The following IMMP1L variants were observed in gnomAD, a reference collection of about 807,000 sequenced individuals.
IMMP1L encodes the protein mitochondrial inner membrane protease subunit 1.
In IMMP1L, 24 loss-of-function variants were observed where a neutral mutation model predicts 21.8. The ratio of observed to expected loss-of-function variants is 1.10; its 90% confidence interval spans 0.80 to 1.55. The LOEUF is 1.55. Among genes scored for constraint, IMMP1L ranks in the 40% most tolerant of loss-of-function variants. The pLI, the probability that IMMP1L is intolerant of heterozygous loss-of-function variation, is 0.00. For synonymous variants in IMMP1L, 46 were observed against 62.8 expected (o/e 0.73, Z 1.26); for missense variants, 195 against 200.7 (o/e 0.97, Z 0.17).
chr11:31,477,512 T>C, intron 1 of IMMP1L: 1 of 982,648 alleles, frequency 1.0e-6, no homozygotes, highest in Middle Eastern at 5.2e-4. Flanking sequence ...TGATTTTTTG[T>C]TGTTGTTGTT....
At chr11:31,471,715 G>A (rs1954558175) in intron 1 of IMMP1L, among the ~76,000 whole-genome samples, 1 of 152,114 alleles carries the variant, frequency 6.6e-6, no homozygotes, top group Non-Finnish European at 1.5e-5. Flanking sequence ...TCTTTCTTAT[G>A]AGCTGAGACT....
chr11:31,449,571 A>G (rs1371679038), intron 4 of IMMP1L, among the ~76,000 whole-genome samples: 1 of 152,188 alleles, frequency 6.6e-6, no homozygotes, highest in East Asian at 1.9e-4. Flanking sequence ...ACATCCTGAT[A>G]ACACTTAATC....
chr11:31,472,801 T>G lies in IMMP1L; in HGVS notation c.-29-9496A>C, dbSNP rs1045921709. ...AAGAGCCTCTTCATTACTTTACATA[T>G]ATTAACTCATTTAATCCTTAAAACA... On this transcript the variant is annotated intron_variant, in intron 1 of 5. Transcript: ENST00000532287. Among the ~76,000 whole-genome samples the G allele has an allele frequency of 6.6e-5, 10 of 152,310 alleles. No homozygotes were observed. The South Asian group carries it at 2.1e-3, about 32-fold the overall frequency.
At chr11:31,434,508 G>T (rs1464158498) in intron 4 of IMMP1L, among the ~76,000 whole-genome samples, 1 of 152,042 alleles carries the variant, frequency 6.6e-6, no homozygotes, top group African/African-American at 2.4e-5. Flanking sequence ...TATGGGGAAG[G>T]AATTTATTTT....
At chr11:31,452,291 CT>C (rs1299159938) in intron 4 of IMMP1L, 2 of 983,488 alleles carry the variant, frequency 2.0e-6, no homozygotes, top group Non-Finnish European at 2.4e-6. Context: ...AAGCATAGTC[CT>C]GGATTATCAC....
intron 1 of IMMP1L, among the ~76,000 whole-genome samples, chr11:31,491,049 C>T (rs963715739): frequency 4.6e-5 from 7 of 152,152 alleles, no homozygotes; most frequent in Non-Finnish European, 8.8e-5. Flanking sequence ...AACTTGACTT[C>T]GTATTTTTGA....
At chr11:31,490,703 G>C (rs1955226250) in intron 1 of IMMP1L, among the ~76,000 whole-genome samples, 1 of 152,052 alleles carries the variant, frequency 6.6e-6, no homozygotes, top group South Asian at 2.1e-4. Context: ...AGACTATAGT[G>C]AGTTGAGAAA....
In IMMP1L at chr11:31,467,462, T is replaced by C. The variant is rs572819811; in HGVS notation, c.-29-4157A>G. ...GGAACCATTCTGAGGGGTCATCCAA[T>C]GGCCAAATGTGGGACAATATAAGCC... On this transcript the variant is annotated intron_variant, in intron 1 of 5. Coordinates refer to ENST00000532287, the MANE Select transcript of IMMP1L (RefSeq NM_001304274.2). Among the ~76,000 whole-genome samples, 213 of 152,234 alleles carry C rather than the reference T, an allele frequency of 1.4e-3. 1 individual carries two copies. The highest frequency in any genetic ancestry group is 1.9e-3 in the Non-Finnish European group (128 of 67,990).
At chr11:31,459,580 C>T (rs182983798) in intron 3 of IMMP1L, among the ~76,000 whole-genome samples, 7 of 152,142 alleles carry the variant, frequency 4.6e-5, no homozygotes, top group Non-Finnish European at 8.8e-5. Context: ...GGATTGGAAC[C>T]ACCACTTGAA....
intron 4 of IMMP1L, among the ~76,000 whole-genome samples, chr11:31,450,407 ATCTTAAC>A (rs199638628): frequency 7.9e-6 from 1 of 126,482 alleles, no homozygotes; most frequent in Non-Finnish European, 1.6e-5. Context: ...AGGAGACTTA[ATCTTAAC>A]TAAGTTCAGT....
intron 1 of IMMP1L, chr11:31,469,698 G>A (rs2133699632): frequency 6.6e-6 from 1 of 152,318 alleles, no homozygotes; most frequent in South Asian, 2.1e-4. Context: ...TTTCCAAATT[G>A]ATGAAAGACC....
At chr11:31,458,680 T>C (rs556805584) in intron 3 of IMMP1L, among the ~76,000 whole-genome samples, 5 of 152,188 alleles carry the variant, frequency 3.3e-5, no homozygotes, top group Non-Finnish European at 4.4e-5. Flanking sequence ...AGGACAGTAA[T>C]ATTTCTTAAG....
intron 1 of IMMP1L, among the ~76,000 whole-genome samples, chr11:31,501,708 C>A (rs1440117811): frequency 6.6e-6 from 1 of 151,976 alleles, no homozygotes; most frequent in Admixed American, 6.6e-5. Flanking sequence ...AATCCCAGCA[C>A]TTTGGGAGGC....
intron 1 of IMMP1L, chr11:31,473,679 A>G: frequency 2.4e-6 from 2 of 849,604 alleles, no homozygotes; most frequent in Non-Finnish European, 2.8e-6. Flanking sequence ...ATAGGCATCC[A>G]ATTCTAAGAT....
chr11:31,483,840 C>T (rs1278391201), intron 1 of IMMP1L, among the ~76,000 whole-genome samples: 12 of 151,852 alleles, frequency 7.9e-5, no homozygotes, highest in Admixed American at 7.9e-4. Flanking sequence ...CAATACCATA[C>T]ACATTAAATA....
At chr11:31,450,292 T>C (rs1953701625) in intron 4 of IMMP1L, among the ~76,000 whole-genome samples, 1 of 152,208 alleles carries the variant, frequency 6.6e-6, no homozygotes. Flanking sequence ...AAGGGCAACT[T>C]AGCCTTCATC....
intron 1 of IMMP1L, among the ~76,000 whole-genome samples, chr11:31,503,048 A>G (rs1955671336): frequency 6.6e-6 from 1 of 152,164 alleles, no homozygotes; most frequent in African/African-American, 2.4e-5. Context: ...TTTATACTTT[A>G]AAATCCACTA....
chr11:31,473,449 A>T (rs1039667444), intron 1 of IMMP1L, among the ~76,000 whole-genome samples: 1 of 152,174 alleles, frequency 6.6e-6, no homozygotes, highest in Admixed American at 6.5e-5. Context: ...CAGAATTCAA[A>T]ATGAAGCTGT....
chr11:31,488,768 C>G (rs1484361783), intron 1 of IMMP1L, among the ~76,000 whole-genome samples: 1 of 152,086 alleles, frequency 6.6e-6, no homozygotes, highest in Non-Finnish European at 1.5e-5. Context: ...TATAATATGA[C>G]AAAGGCAAAG....
Sources: gnomAD v4.1 joint callset for allele counts (sites outside exome capture counted in the v4.1 genomes callset) on GRCh38, gnomAD v4.1.1 for gene constraint, MANE v1.5 for transcripts, NCBI Gene and HGNC (gene_info 2026-07-23, HGNC 2026-07-21) for gene names.